Variants in GRIK2 observed in about 807,000 individuals in gnomAD.
The protein encoded by GRIK2 is glutamate ionotropic receptor kainate type subunit 2, also known as glutamate receptor ionotropic, kainate 2.
In GRIK2, 32 loss-of-function variants were observed where a neutral mutation model predicts 100.3. The ratio of observed to expected loss-of-function variants is 0.32; its 90% CI spans 0.24 to 0.43. GRIK2 has a LOEUF of 0.43. Ranked by LOEUF, GRIK2 falls within the 20% of genes least tolerant of loss-of-function variation. GRIK2 has a pLI of 1.00. For missense variants in GRIK2, 843 were observed against 1,114.9 expected (o/e 0.76, Z 3.47); for synonymous variants, 417 against 389.4 (o/e 1.07, Z -0.83).
intron 14 of GRIK2, among the ~76,000 whole-genome samples, chr6:101,976,696 G>GA (rs901655627): frequency 4.1e-4 from 62 of 149,912 alleles, no homozygotes; most frequent in African/African-American, 6.4e-4. Context: ...TTTCTTAAAA[G>GA]AAAAAAAATG....
At chr6:102,048,470 G>A (rs1311112370) in intron 15 of GRIK2, among the ~76,000 whole-genome samples, 3 of 152,024 alleles carry the variant, frequency 2.0e-5, no homozygotes, top group African/African-American at 7.2e-5. Context: ...TCAATAAGGT[G>A]TTAAATCAAA....
intron 11 of GRIK2, among the ~76,000 whole-genome samples, chr6:101,885,208 T>C (rs977660467): frequency 1.3e-5 from 2 of 152,136 alleles, no homozygotes; most frequent in Non-Finnish European, 2.9e-5. Context: ...TACATGATTC[T>C]GTTTATAAAT....
At chr6:101,679,049 C>T (rs1305744691) in intron 5 of GRIK2, among the ~76,000 whole-genome samples, 1 of 152,034 alleles carries the variant, frequency 6.6e-6, no homozygotes, top group Admixed American at 6.5e-5. Context: ...AAGAAAATAC[C>T]CTAGGGCAGA....
chr6:101,695,740 C>G (rs1772439482), intron 7 of GRIK2, among the ~76,000 whole-genome samples: 2 of 152,010 alleles, frequency 1.3e-5, no homozygotes, highest in African/African-American at 4.8e-5. Context: ...ACTTAATACA[C>G]CTAACCTACC....
At chr6:102,050,550 G>C (rs1436051226) in intron 15 of GRIK2, among the ~76,000 whole-genome samples, 1 of 151,816 alleles carries the variant, frequency 6.6e-6, no homozygotes, top group Non-Finnish European at 1.5e-5. Flanking sequence ...GGGAGGCTGA[G>C]GTAGGAGAAT....
In GRIK2 at chr6:101,893,956, G is replaced by A. The variant is rs190811249; in HGVS notation, c.1748+4093G>A. Reference sequence around the variant, plus strand: ...TAAGAATGCCATGTATTTTAAATACGCTTTTCTGAAAAATATCTTGTAATA... The same window carrying A: ...TAAGAATGCCATGTATTTTAAATACACTTTTCTGAAAAATATCTTGTAATA... On this transcript the variant is annotated intron_variant, in intron 12 of 16. Coordinates refer to ENST00000369134, the MANE Select transcript of GRIK2 (RefSeq NM_021956.5). Among the ~76,000 whole-genome samples, 494 of 150,998 alleles carry A rather than the reference G, an allele frequency of 3.3e-3. 3 individuals carry two copies. Among genetic ancestry groups the A allele is most frequent in the Middle Eastern group, 0.014 (4 of 294 alleles).
chr6:101,821,675 G>C (rs1182818819), intron 10 of GRIK2, among the ~76,000 whole-genome samples: 1 of 151,778 alleles, frequency 6.6e-6, no homozygotes, highest in Non-Finnish European at 1.5e-5. Context: ...TCCTTTTTCT[G>C]AATACTCTGA....
In GRIK2 at chr6:101,685,523, T is replaced by C. The variant is rs560541666; in HGVS notation, c.778-657T>C. ...ATGATAGCTTTGGCCTCATATCTCC[T>C]GGGACAACTAAAGGGCAGAGCAAGA... is the stretch of plus-strand genomic sequence containing the variant. On this transcript the variant is annotated intron_variant, in intron 6 of 16. Transcript: ENST00000369134. 5.3e-5 allele frequency among the ~76,000 whole-genome samples: 8 copies of C among 152,230 alleles called. 1 individual carries two copies. The South Asian group carries it at 1.4e-3, about 28-fold the overall frequency.
chr6:101,714,622 A>G (rs1462912153), intron 7 of GRIK2, among the ~76,000 whole-genome samples: 3 of 151,812 alleles, frequency 2.0e-5, no homozygotes, highest in Admixed American at 6.6e-5. Flanking sequence ...CTTTAGATAA[A>G]GCACTTGTTC....
chr6:101,938,675 G>T (rs78227751), intron 14 of GRIK2, among the ~76,000 whole-genome samples: 3,928 of 152,096 alleles, frequency 0.026, 79 homozygotes, highest in Middle Eastern at 0.041. Context: ...TATAAATAAA[G>T]AACTCTCCAG....
intron 2 of GRIK2, among the ~76,000 whole-genome samples, chr6:101,580,193 CTA>C (rs1415394723): frequency 6.6e-6 from 1 of 152,166 alleles, no homozygotes; most frequent in Non-Finnish European, 1.5e-5. Context: ...CCAACTTTCT[CTA>C]TGACATCTCA....
chr6:101,976,446 C>T (rs1793385984), intron 14 of GRIK2, among the ~76,000 whole-genome samples: 1 of 151,860 alleles, frequency 6.6e-6, no homozygotes, highest in Non-Finnish European at 1.5e-5. Context: ...CCTGTAAACC[C>T]AGCACTTTGT....
rs184031509 is a variant in GRIK2, at chr6:102,064,681, T to C, written c.2563-3666T>C. On this transcript the variant is annotated intron_variant, in intron 16 of 16. Coordinates refer to ENST00000369134, the MANE Select transcript of GRIK2 (RefSeq NM_021956.5). Reference sequence around the variant, plus strand: ...ACTTAAAAGTTAGACACAGTAAATTTTGGGCAATGTACAGCACAGGGAAAC... The same window carrying C: ...ACTTAAAAGTTAGACACAGTAAATTCTGGGCAATGTACAGCACAGGGAAAC... 7.9e-4 allele frequency among the ~76,000 whole-genome samples: 119 copies of C among 151,294 alleles called. 1 individual carries two copies. Among genetic ancestry groups the C allele is most frequent in the African/African-American group, 2.8e-3 (118 of 41,452 alleles).
At chr6:101,897,693 C>T (rs1357474092) in intron 12 of GRIK2, among the ~76,000 whole-genome samples, 1 of 151,740 alleles carries the variant, frequency 6.6e-6, no homozygotes, top group Non-Finnish European at 1.5e-5. Flanking sequence ...GAAGTCTGTG[C>T]AGGAAGCCAG....
chr6:101,724,840 G>A (rs1204513055), intron 7 of GRIK2, among the ~76,000 whole-genome samples: 3 of 152,068 alleles, frequency 2.0e-5, no homozygotes, highest in Non-Finnish European at 4.4e-5. Flanking sequence ...CTGAGAAATA[G>A]GAGGTTTGAG....
intron 2 of GRIK2, among the ~76,000 whole-genome samples, chr6:101,508,613 T>C (rs1774138787): frequency 1.3e-5 from 2 of 152,188 alleles, no homozygotes; most frequent in Admixed American, 1.3e-4. Flanking sequence ...AATGCATCAA[T>C]TCCATGAAGT....
intron 15 of GRIK2, among the ~76,000 whole-genome samples, chr6:102,043,643 C>A (rs1770719283): frequency 6.6e-6 from 1 of 151,794 alleles, no homozygotes; most frequent in African/African-American, 2.4e-5. Flanking sequence ...ACTGCATTTT[C>A]TTTATTCTCT....
chr6:101,583,197 A>G (rs1778183524), intron 2 of GRIK2, among the ~76,000 whole-genome samples: 1 of 152,118 alleles, frequency 6.6e-6, no homozygotes, highest in Non-Finnish European at 1.5e-5. Flanking sequence ...AGGTGAGAAG[A>G]TAATACAGCC....
At chr6:101,793,694 T>C (rs1476667078) in intron 7 of GRIK2, among the ~76,000 whole-genome samples, 2 of 152,168 alleles carry the variant, frequency 1.3e-5, no homozygotes, top group African/African-American at 2.4e-5. Flanking sequence ...CTGCCCGTTC[T>C]CAGATCTCCA....
Sources: allele counts gnomAD v4.1 joint callset (sites outside exome capture counted in the v4.1 genomes callset), GRCh38; gene constraint gnomAD v4.1.1; transcripts MANE v1.5; gene names NCBI Gene and HGNC (gene_info 2026-07-23, HGNC 2026-07-21).